Variants in RANBP2 observed in about 807,000 individuals in gnomAD.
RANBP2 encodes the protein E3 SUMO-protein ligase RanBP2.
Under a neutral mutation model 303.6 loss-of-function variants are expected in RANBP2, and 57 were observed. The observed-to-expected ratio is 0.19, with a 90% CI of 0.15 to 0.23. The LOEUF is 0.23. Ranked by LOEUF, RANBP2 falls within the 10% of genes least tolerant of loss-of-function variation. The pLI, the probability that RANBP2 is intolerant of heterozygous loss-of-function variation, is 1.00. For synonymous variants in RANBP2, 1,167 were observed against 1,301.5 expected, an observed-to-expected ratio of 0.90 and a Z score of 2.23; for missense variants, 3,138 against 3,780.8, an observed-to-expected ratio of 0.83 and a Z score of 4.46.
In RANBP2 at chr2:108,775,831, T is replaced by A; in HGVS notation, c.8392T>A (p.Ser2798Thr). The stretch of plus-strand genomic sequence containing the variant: ...TTTCTGTAAATCTGAAGAACCTGAT[T>A]CTATTACCAAATCCATTAGTTCACC... Reference protein sequence around the residue: ...PSFCKSEEPDSITKSISSPSV... With the variant: ...PSFCKSEEPDTITKSISSPSV... Residue 2798 changes from serine to threonine, a missense_variant, in exon 24 of 29, where the codon TCT becomes ACT. Transcript: ENST00000283195. 1 of 1,613,908 alleles carries A rather than the reference T, an allele frequency of 6.2e-7. No individual in the cohort carries two copies. Among genetic ancestry groups the A allele is most frequent in the African/African-American group, 1.3e-5 (1 of 75,068 alleles).
the RANBP2 span, among the ~76,000 whole-genome samples, chr2:109,235,294 T>G: frequency 2.0e-5 from 3 of 152,188 alleles, no homozygotes; most frequent in Admixed American, 6.5e-5. Context: ...TGCAAGGTCT[T>G]TCTTCTCCCC....
downstream of RANBP2, chr2:108,786,720 T>A (rs1423186864): frequency 2.7e-6 from 3 of 1,117,212 alleles, no homozygotes; most frequent in East Asian, 7.9e-5. Context: ...CGTGCGTGCC[T>A]CGGGGGGGCG....
chr2:109,199,258 C>G, the RANBP2 span, among the ~76,000 whole-genome samples: 1 of 69,758 alleles, frequency 1.4e-5, no homozygotes, highest in African/African-American at 5.7e-5. Context: ...ACGGGAGGTG[C>G]TTGCAGTGAG....
the RANBP2 span, among the ~76,000 whole-genome samples, chr2:109,106,526 T>C: frequency 6.6e-6 from 1 of 152,104 alleles, no homozygotes; most frequent in Non-Finnish European, 1.5e-5. Flanking sequence ...CCTGCAAAAT[T>C]AGCCACTTTT....
the RANBP2 span, among the ~76,000 whole-genome samples, chr2:109,679,421 T>TG: frequency 7.9e-5 from 12 of 152,342 alleles, no homozygotes; most frequent in South Asian, 2.5e-3. Context: ...GATCACTATA[T>TG]TATGTATGTA....
At chr2:109,231,681 T>C in the RANBP2 span, among the ~76,000 whole-genome samples, 1 of 152,222 alleles carries the variant, frequency 6.6e-6, no homozygotes, top group African/African-American at 2.4e-5. Flanking sequence ...AGTAAAAATA[T>C]AATTAGTATT....
At chr2:109,556,113 G>A in the RANBP2 span, among the ~76,000 whole-genome samples, 1 of 152,176 alleles carries the variant, frequency 6.6e-6, no homozygotes, top group Admixed American at 6.5e-5. Context: ...GGGAAGAGGA[G>A]GAAGATTTAA....
Position 108,781,467 on chromosome 2 carries a change from T to C in RANBP2, c.8760+38T>C, listed in dbSNP as rs1339076748. 10 of 1,600,346 alleles carry C rather than the reference T, an allele frequency of 6.2e-6. 2 individuals are homozygous for C. In the South Asian group the frequency reaches 7.7e-5, roughly 12 times the overall value. ...GAATTAACCTTTTACTAATAACTTA[T>C]TTTTCATTTTTAAGTTTTACCCTGG... On this transcript the variant is annotated intron_variant, in intron 26 of 28. Transcript: ENST00000283195.
chr2:109,615,233 C>T, the RANBP2 span: 2 of 1,546,716 alleles, frequency 1.3e-6, no homozygotes, highest in Non-Finnish European at 1.7e-6. Context: ...CATCGGTGGC[C>T]TCGTCGTCCG....
downstream of RANBP2, chr2:108,786,957 TG>T (rs1243627997): frequency 2.9e-6 from 4 of 1,375,000 alleles, no homozygotes; most frequent in South Asian, 1.5e-5. Flanking sequence ...CTCCTGCTGC[TG>T]GGGGGCGGCC....
the RANBP2 span, among the ~76,000 whole-genome samples, chr2:109,262,044 G>A: frequency 6.6e-6 from 1 of 152,146 alleles, no homozygotes; most frequent in African/African-American, 2.4e-5. Flanking sequence ...TCGGTGGCCC[G>A]GCTGCTGATG....
the RANBP2 span, among the ~76,000 whole-genome samples, chr2:109,428,391 C>T: frequency 6.6e-6 from 1 of 152,260 alleles, no homozygotes; most frequent in Admixed American, 6.5e-5. Flanking sequence ...TAAGCGAAGG[C>T]TGTGCTGTTA....
the RANBP2 span, among the ~76,000 whole-genome samples, chr2:108,919,236 G>A: frequency 2.0e-5 from 3 of 152,348 alleles, no homozygotes; most frequent in African/African-American, 7.2e-5. Flanking sequence ...AGTACGCAGA[G>A]TAGCAGAGAT....
the RANBP2 span, among the ~76,000 whole-genome samples, chr2:109,629,355 A>ATATATATATATAT: frequency 6.5e-5 from 1 of 15,360 alleles, no homozygotes; most frequent in Non-Finnish European, 1.4e-4. Context: ...ATATATATAT[A>ATATATATATATAT]TTTTTTTTTT....
At chr2:109,517,224 G>A in the RANBP2 span, among the ~76,000 whole-genome samples, 1 of 152,130 alleles carries the variant, frequency 6.6e-6, no homozygotes, top group Non-Finnish European at 1.5e-5. Flanking sequence ...GTCCTCCCCT[G>A]TTGCCAGCAT....
At chr2:109,268,465 A>T in the RANBP2 span, among the ~76,000 whole-genome samples, 1 of 152,058 alleles carries the variant, frequency 6.6e-6, no homozygotes, top group Admixed American at 6.5e-5. Flanking sequence ...GTGTGGCTGC[A>T]GCAGCTCCTT....
the RANBP2 span, among the ~76,000 whole-genome samples, chr2:109,644,414 C>T: frequency 2.0e-5 from 3 of 152,122 alleles, no homozygotes; most frequent in African/African-American, 7.2e-5. Flanking sequence ...AGGCAGCTGG[C>T]GAGGTGAATG....
rs1676077873 is a variant in RANBP2, at chr2:108,753,608, T to A, written c.2055+45T>A. The A allele has an allele frequency of 1.9e-6, 3 of 1,592,918 alleles. No individual in the cohort carries two copies. In the African/African-American group the frequency reaches 4.2e-5, roughly 22 times the overall value. ...GAGCTAAAAGTTTTATTTATTTATTTATTATTTTTTTAAAAGACGGGGTTT... is the reference window on the plus strand; with the variant it reads ...GAGCTAAAAGTTTTATTTATTTATTAATTATTTTTTTAAAAGACGGGGTTT... On this transcript the variant is annotated intron_variant, in intron 14 of 28. Coordinates refer to ENST00000283195, the MANE Select transcript of RANBP2 (RefSeq NM_006267.5).
chr2:109,634,392 T>C, the RANBP2 span, among the ~76,000 whole-genome samples: 764 of 150,202 alleles, frequency 5.1e-3, 7 homozygotes, highest in African/African-American at 0.018. Context: ...CAAAAAAGGG[T>C]GATTAGGCTG....
Sources: gnomAD v4.1 joint callset for allele counts (sites outside exome capture counted in the v4.1 genomes callset) on GRCh38, gnomAD v4.1.1 for gene constraint, MANE v1.5 for transcripts, NCBI Gene and HGNC (gene_info 2026-07-23, HGNC 2026-07-21) for gene names.